The following VEGFC variants were observed in gnomAD, a reference collection of about 807,000 sequenced individuals.
The protein encoded by VEGFC is FLT4 ligand DHM.
A neutral mutation model predicts 46.1 loss-of-function variants in VEGFC; 12 were observed. The ratio of observed to expected loss-of-function variants is 0.26; its 90% CI spans 0.17 to 0.42. The LOEUF (loss-of-function observed/expected upper bound fraction) is 0.42, where lower values mean the gene tolerates loss of function less well. VEGFC is among the 10% of genes least tolerant of loss of function. The probability of loss-of-function intolerance (pLI) is 1.00; values close to 1 mark genes in which losing one functional copy is unlikely to be tolerated. For missense variants in VEGFC, 488 were observed against 529.4 expected (o/e 0.92, Z 0.77); for synonymous variants, 232 against 195.5 (o/e 1.19, Z -1.56).
intron 1 of VEGFC, among the ~76,000 whole-genome samples, chr4:176,762,286 T>C (rs1027351664): frequency 6.6e-6 from 1 of 152,212 alleles, no homozygotes; most frequent in Non-Finnish European, 1.5e-5. Context: ...GATTAGGTCA[T>C]GAAGCCTTTG....
In VEGFC at chr4:176,734,191, A is replaced by T. The variant is rs73872166; in HGVS notation, c.148-4445T>A. Among the ~76,000 whole-genome samples the T allele has an allele frequency of 2.0e-3, 308 of 151,888 alleles. 3 individuals are homozygous for T. The highest frequency in any genetic ancestry group is 7.2e-3 in the African/African-American group (299 of 41,492). ...CCATTTATAAGACAGTGAGTATAAT[A>T]ACTGTAAAAACTTCTATTGCTTTAT... is the stretch of plus-strand genomic sequence containing the variant. On this transcript the variant is annotated intron_variant, in intron 1 of 6. Transcript: ENST00000618562.
intron 1 of VEGFC, among the ~76,000 whole-genome samples, chr4:176,744,079 T>C (rs988458816): frequency 6.6e-6 from 1 of 152,040 alleles, no homozygotes; most frequent in African/African-American, 2.4e-5. Context: ...ACAGCATTAG[T>C]AAAATTTGAA....
rs954640496 is a variant in VEGFC at position 176,683,892 on chromosome 4, A to G, written c.*34T>C. 7 of 1,562,084 alleles carry G rather than the reference A, an allele frequency of 4.5e-6. No individual in the cohort carries two copies. The highest frequency in any genetic ancestry group is 6.2e-6 in the Non-Finnish European group (7 of 1,132,722). ...TACTGTGGCAACACAGTTTTCCATA[A>G]TAGAAAATCGATGAACTGGAAAACA... On this transcript the variant is annotated 3_prime_UTR_variant, in exon 7 of 7. Transcript: ENST00000618562.
rs1188098606 is a variant in VEGFC at position 176,695,712 on chromosome 4, T to C, written c.705-7785A>G. Among the ~76,000 whole-genome samples the C allele has an allele frequency of 2.0e-5, 3 of 151,942 alleles. No individual in the cohort carries two copies. In the East Asian group the frequency reaches 5.8e-4, roughly 29 times the overall value. On this transcript the variant is annotated intron_variant, in intron 4 of 6. Transcript: ENST00000618562. ...TTTAGACCAATATCCTTGATGAACA[T>C]TGATGCAAAAATCCTCAATAAAATA... is the stretch of plus-strand genomic sequence containing the variant.
chr4:176,712,628 T>C (rs1298317287), intron 3 of VEGFC, among the ~76,000 whole-genome samples: 1 of 152,168 alleles, frequency 6.6e-6, no homozygotes, highest in Non-Finnish European at 1.5e-5. Context: ...CATGACAATC[T>C]GAGCAGTGAT....
intron 1 of VEGFC, among the ~76,000 whole-genome samples, chr4:176,775,254 GA>G (rs1053746552): frequency 1.3e-5 from 2 of 149,474 alleles, no homozygotes; most frequent in East Asian, 2.0e-4. Context: ...TTACAACTGA[GA>G]AAAAAAAAGT....
At chr4:176,707,753 T>C (rs1304632199) in intron 4 of VEGFC, among the ~76,000 whole-genome samples, 1 of 152,096 alleles carries the variant, frequency 6.6e-6, no homozygotes, top group Admixed American at 6.6e-5. Flanking sequence ...ACCCCAAGTG[T>C]TTGCAATATA....
At chr4:176,688,641 A>AC (rs1734091453) in intron 4 of VEGFC, among the ~76,000 whole-genome samples, 1 of 99,856 alleles carries the variant, frequency 1.0e-5, no homozygotes, top group Non-Finnish European at 2.1e-5. Flanking sequence ...CTTTCTTCCC[A>AC]CCTTCCTTCC....
At chr4:176,748,937 G>A (rs18131) in intron 1 of VEGFC, among the ~76,000 whole-genome samples, 130,247 of 151,880 alleles carry the variant, frequency 0.86, 56,689 homozygotes, top group East Asian at 1. Flanking sequence ...AAAACCATAT[G>A]GAATATAAAA....
chr4:176,787,146 T>C (rs919708927), intron 1 of VEGFC, among the ~76,000 whole-genome samples: 2 of 152,200 alleles, frequency 1.3e-5, no homozygotes, highest in South Asian at 2.1e-4. Context: ...ATCAGGATTA[T>C]AGCACCAAAT....
rs573100719 is a variant in VEGFC, at chr4:176,690,939, C to T, written c.705-3012G>A. 2.4e-4 allele frequency among the ~76,000 whole-genome samples: 36 copies of T among 152,248 alleles called. No homozygotes were observed. The South Asian group carries it at 7.2e-3, about 31-fold the overall frequency. ...GTGTTATTCCAGCTGCTGCTTGCAA[C>T]CCATTAATGAATCATGAAATCAATG... On this transcript the variant is annotated intron_variant, in intron 4 of 6. Transcript: ENST00000618562.
intron 1 of VEGFC, among the ~76,000 whole-genome samples, chr4:176,777,795 C>T (rs1346098188): frequency 1.3e-5 from 2 of 150,856 alleles, no homozygotes; most frequent in Admixed American, 6.6e-5. Flanking sequence ...GGTGGGCACC[C>T]GTAGTCCCTG....
At chr4:176,724,121 C>T (rs962489261) in intron 3 of VEGFC, among the ~76,000 whole-genome samples, 4 of 152,226 alleles carry the variant, frequency 2.6e-5, no homozygotes, top group Non-Finnish European at 4.4e-5. Flanking sequence ...ATAGCATAAA[C>T]GTTTGTTTAG....
chr4:176,705,055 CACTT>C (rs1415188954), intron 4 of VEGFC, among the ~76,000 whole-genome samples: 3 of 152,132 alleles, frequency 2.0e-5, no homozygotes, highest in South Asian at 2.1e-4. Context: ...GTGTTTTAGA[CACTT>C]ACTATACTAG....
rs1253438707 is a variant in VEGFC at position 176,792,250 on chromosome 4, C to A, written c.62G>T (p.Gly21Val). Residue 21 changes from glycine to valine, a missense_variant, in exon 1 of 7, where the codon GGT becomes GTT. Gly to Val is a moderately radical substitution (Grantham distance 109). Transcript: ENST00000618562. The surrounding 1 kb of genome is among the most constrained non-coding windows in gnomAD (Gnocchi z 6.3). ...GGCGGCGGCGGGCGCCTCGCGAGGA[C>A]CCGGGAGCAGCGCAGCGGCGAGCAG... ...CSLLAAALLP[G>V]PREAPAAAAA... 1 of 1,558,504 alleles carries A rather than the reference C, an allele frequency of 6.4e-7. No individual in the cohort carries two copies. Among genetic ancestry groups the A allele is most frequent in the South Asian group, 1.2e-5 (1 of 86,170 alleles).
intron 1 of VEGFC, among the ~76,000 whole-genome samples, chr4:176,765,583 T>C (rs1579130750): frequency 7.3e-6 from 1 of 137,484 alleles, no homozygotes; most frequent in African/African-American, 2.8e-5. Context: ...TGAGGCAGAG[T>C]CTCGCTCTGT....
intron 1 of VEGFC, among the ~76,000 whole-genome samples, chr4:176,788,244 T>C (rs1304672307): frequency 6.6e-6 from 1 of 152,246 alleles, no homozygotes; most frequent in East Asian, 1.9e-4. Context: ...AGGTCATTTA[T>C]AATTTATCTT....
intron 3 of VEGFC, among the ~76,000 whole-genome samples, chr4:176,717,358 G>A (rs1160676473): frequency 6.6e-6 from 1 of 152,050 alleles, no homozygotes; most frequent in African/African-American, 2.4e-5. Context: ...CCAACTGAGA[G>A]GTTCCCAGTT....
chr4:176,787,389 A>G (rs1280501991), intron 1 of VEGFC, among the ~76,000 whole-genome samples: 1 of 149,490 alleles, frequency 6.7e-6, no homozygotes, highest in African/African-American at 2.5e-5. Context: ...CCCACGAGGC[A>G]GAGGTTGCAG....
Sources: gnomAD v4.1 joint callset for allele counts (sites outside exome capture counted in the v4.1 genomes callset) on GRCh38, gnomAD v4.1.1 for gene constraint, Gnocchi (gnomAD v3.1) non-coding constraint, MANE v1.5 for transcripts, NCBI Gene and HGNC (gene_info 2026-07-23, HGNC 2026-07-21) for gene names.